The following CNTN6 variants were observed in gnomAD, a reference collection of about 807,000 sequenced individuals.
CNTN6 encodes the protein contactin 6.
In CNTN6, 137 loss-of-function variants were observed where a neutral mutation model predicts 122.8. The ratio of observed to expected loss-of-function variants is 1.12; its 90% CI spans 0.97 to 1.29. The LOEUF (loss-of-function observed/expected upper bound fraction) is 1.29, where lower values mean the gene tolerates loss of function less well. CNTN6 is among the 50% of genes most tolerant of loss of function. CNTN6 has a pLI of 0.00. For missense variants in CNTN6, 1,634 were observed against 1,223.4 expected, an observed-to-expected ratio of 1.34 and a Z score of -5.01; for synonymous variants, 570 against 426.0, an observed-to-expected ratio of 1.34 and a Z score of -4.16.
intron 7 of CNTN6, among the ~76,000 whole-genome samples, chr3:1,302,076 A>G (rs1697527208): frequency 2.0e-5 from 3 of 152,212 alleles, no homozygotes; most frequent in South Asian, 2.1e-4. Flanking sequence ...TGTTATAGGT[A>G]TATAATTAAC....
At chr3:1,379,839 G>A (rs67502124) in intron 17 of CNTN6, among the ~76,000 whole-genome samples, 16,615 of 152,098 alleles carry the variant, frequency 0.11, 985 homozygotes, top group Middle Eastern at 0.16. Context: ...CTTCTTTATG[G>A]AATAAGTTAT....
In CNTN6 at chr3:1,192,065, C is replaced by T. The variant is rs552750857; in HGVS notation, c.56-28622C>T. ...TCTGTATCTCAAATAACTCTTCAAT[C>T]TGCCTCGTCCTTTTGATCCTTTTAG... On this transcript the variant is annotated intron_variant, in intron 2 of 22. Transcript: ENST00000446702. 4.9e-4 allele frequency among the ~76,000 whole-genome samples: 74 copies of T among 152,268 alleles called. No homozygotes were observed. In the South Asian group the frequency reaches 7.5e-3, roughly 15 times the overall value.
Position 1,388,170 on chromosome 3 carries a change from G to T in CNTN6, c.2704+2373G>T, listed in dbSNP as rs186226822. Among the ~76,000 whole-genome samples the T allele has an allele frequency of 6.7e-4, 101 of 151,594 alleles. No individual in the cohort carries two copies. The South Asian group carries it at 6.9e-3, about 10-fold the overall frequency. On this transcript the variant is annotated intron_variant, in intron 20 of 22. Coordinates refer to ENST00000446702, the MANE Select transcript of CNTN6 (RefSeq NM_001289080.2). ...CAGAGTTAAATGTCCCTGTCTGACA[G>T]CTTTGAAGAGAGCACTGGTTCTCCC...
chr3:1,243,213 G>A (rs752134031), intron 4 of CNTN6, among the ~76,000 whole-genome samples: 14 of 152,110 alleles, frequency 9.2e-5, no homozygotes, highest in Non-Finnish European at 1.5e-4. Context: ...CGCGGCTTAC[G>A]AGGAATCCTG....
At chr3:1,314,342 G>T (rs1160831382) in intron 7 of CNTN6, among the ~76,000 whole-genome samples, 1 of 151,988 alleles carries the variant, frequency 6.6e-6, no homozygotes, top group African/African-American at 2.4e-5. Context: ...CTGGCCCACT[G>T]ACAGGATTTC....
intron 11 of CNTN6, among the ~76,000 whole-genome samples, chr3:1,350,140 A>C (rs901080861): frequency 6.6e-6 from 1 of 151,906 alleles, no homozygotes; most frequent in African/African-American, 2.4e-5. Flanking sequence ...TAAATAGATC[A>C]GTACTTCTCA....
At position 1,327,375 on chromosome 3, in the gene CNTN6, A is replaced by C. The variant is rs919157005; in HGVS notation, c.1084-82A>C. The C allele has an allele frequency of 2.8e-5, 39 of 1,380,850 alleles. No homozygotes were observed. In the Admixed American group the frequency reaches 6.7e-4, roughly 24 times the overall value. The allele number at this position is 1,380,850 out of a possible 1,614,324, so 85.5% of individuals were successfully genotyped here. ...ATTATCAGATCTCATAGATATACACAAATGTTGTTTAATAACATATCCTGG... is the reference window on the plus strand; with the variant it reads ...ATTATCAGATCTCATAGATATACACCAATGTTGTTTAATAACATATCCTGG... On this transcript the variant is annotated intron_variant, in intron 9 of 22. Coordinates refer to ENST00000446702, the MANE Select transcript of CNTN6 (RefSeq NM_001289080.2).
chr3:1,124,268 C>A (rs1010758837), intron 1 of CNTN6, among the ~76,000 whole-genome samples: 1 of 151,866 alleles, frequency 6.6e-6, no homozygotes, highest in Non-Finnish European at 1.5e-5. Flanking sequence ...CCAACACCAC[C>A]CAGATTGAGA....
At chr3:1,245,295 C>CAT (rs71056326) in intron 4 of CNTN6, among the ~76,000 whole-genome samples, 40 of 3,800 alleles carry the variant, frequency 0.011, 2 homozygotes, top group African/African-American at 0.017. Context: ...ATATATATAA[C>CAT]ATATATATAT....
At chr3:1,394,368 G>A (rs1387180115) in intron 20 of CNTN6, 1 of 158,306 alleles carries the variant, frequency 6.3e-6, no homozygotes, top group African/African-American at 2.4e-5. Context: ...CTCATTTGCA[G>A]AAGGGGTTGA....
chr3:1,126,709 C>T (rs1278730836), intron 1 of CNTN6, among the ~76,000 whole-genome samples: 1 of 151,774 alleles, frequency 6.6e-6, no homozygotes, highest in African/African-American at 2.4e-5. Context: ...CTGCAGACAC[C>T]ACATTTTATT....
intron 4 of CNTN6, among the ~76,000 whole-genome samples, chr3:1,255,652 A>G (rs1409609074): frequency 2.0e-5 from 3 of 151,988 alleles, no homozygotes; most frequent in African/African-American, 7.2e-5. Context: ...TTAATCGATT[A>G]TATATAATCT....
chr3:1,339,913 C>G (rs1703639039), intron 11 of CNTN6, among the ~76,000 whole-genome samples: 1 of 152,052 alleles, frequency 6.6e-6, no homozygotes, highest in Admixed American at 6.6e-5. Context: ...TAAATCTATC[C>G]TCCCCATATT....
At chr3:1,395,583 C>A (rs184548266) in intron 20 of CNTN6, among the ~76,000 whole-genome samples, 1 of 152,150 alleles carries the variant, frequency 6.6e-6, no homozygotes. Flanking sequence ...TTCCCTCTTT[C>A]CCTTGTACGG....
At chr3:1,202,683 A>G (rs2093902455) in intron 2 of CNTN6, among the ~76,000 whole-genome samples, 1 of 152,232 alleles carries the variant, frequency 6.6e-6, no homozygotes, top group Non-Finnish European at 1.5e-5. Flanking sequence ...CAGGAACCCA[A>G]ATTCAGAACC....
chr3:1,364,311 A>G (rs1707899571), intron 12 of CNTN6, among the ~76,000 whole-genome samples: 1 of 151,954 alleles, frequency 6.6e-6, no homozygotes, highest in Non-Finnish European at 1.5e-5. Context: ...TTTACTTAAT[A>G]TTGATTTCTT....
chr3:1,286,742 A>G (rs947808452), intron 5 of CNTN6, among the ~76,000 whole-genome samples: 3 of 152,136 alleles, frequency 2.0e-5, no homozygotes, highest in Non-Finnish European at 2.9e-5. Context: ...GGCAAATTGG[A>G]TAAAGAGTCA....
chr3:1,331,726 A>C (rs1324653485), intron 11 of CNTN6, among the ~76,000 whole-genome samples: 1 of 151,936 alleles, frequency 6.6e-6, no homozygotes, highest in Non-Finnish European at 1.5e-5. Flanking sequence ...CCCAAGGAGC[A>C]GAATGATGGC....
chr3:1,160,111 G>C (rs768366148), intron 2 of CNTN6, among the ~76,000 whole-genome samples: 1 of 151,928 alleles, frequency 6.6e-6, no homozygotes, highest in Non-Finnish European at 1.5e-5. Context: ...CAGCCACCAC[G>C]CCCGGCCAAT....
Sources: allele counts gnomAD v4.1 joint callset (sites outside exome capture counted in the v4.1 genomes callset), GRCh38; gene constraint gnomAD v4.1.1; transcripts MANE v1.5; gene names NCBI Gene and HGNC (gene_info 2026-07-23, HGNC 2026-07-21).